DLG2: variants seen among roughly 807,000 people sequenced by gnomAD.
DLG2 encodes the protein discs large MAGUK scaffold protein 2, also known as disks large homolog 2.
Under a neutral mutation model 132.5 loss-of-function variants are expected in DLG2, and 45 were observed. The ratio of observed to expected loss-of-function variants is 0.34; its 90% CI spans 0.27 to 0.44. The LOEUF (loss-of-function observed/expected upper bound fraction) is 0.44. Among genes scored for constraint, DLG2 ranks in the 20% least tolerant of loss-of-function variants. The probability of loss-of-function intolerance (pLI) is 1.00; values close to 1 mark genes in which losing one functional copy is unlikely to be tolerated. For missense variants in DLG2, 1,045 were observed against 1,196.9 expected (o/e 0.87, Z 1.87); for synonymous variants, 424 against 419.6 (o/e 1.01, Z -0.13).
At chr11:85,306,857 C>T (rs1165562925) in intron 3 of DLG2, among the ~76,000 whole-genome samples, 1 of 152,198 alleles carries the variant, frequency 6.6e-6, no homozygotes, top group East Asian at 1.9e-4. Flanking sequence ...TAGGCGTGAG[C>T]CACCACGCCT....
chr11:83,689,984 A>G (rs1244047112), intron 18 of DLG2, among the ~76,000 whole-genome samples: 1 of 106,654 alleles, frequency 9.4e-6, no homozygotes, highest in Non-Finnish European at 2.1e-5. Context: ...ATTATAATAT[A>G]TTTATTATAA....
intron 7 of DLG2, among the ~76,000 whole-genome samples, chr11:84,519,061 A>G (rs2099284329): frequency 6.6e-6 from 1 of 152,058 alleles, no homozygotes; most frequent in African/African-American, 2.4e-5. Flanking sequence ...TTTATAAGCA[A>G]CTCACCCTGC....
intron 6 of DLG2, among the ~76,000 whole-genome samples, chr11:84,639,353 T>G (rs997875163): frequency 3.6e-5 from 4 of 110,212 alleles, no homozygotes; most frequent in Non-Finnish European, 5.7e-5. Flanking sequence ...TCTGTGTTTT[T>G]TTTTTTTTTT....
chr11:84,826,177 C>T (rs553997285), intron 6 of DLG2, among the ~76,000 whole-genome samples: 1 of 151,842 alleles, frequency 6.6e-6, no homozygotes, highest in Non-Finnish European at 1.5e-5. Flanking sequence ...TCACCTCAAG[C>T]ATTTATCCTT....
intron 6 of DLG2, among the ~76,000 whole-genome samples, chr11:84,716,527 A>C (rs771616294): frequency 9.2e-5 from 14 of 151,978 alleles, no homozygotes; most frequent in Non-Finnish European, 1.5e-4. Context: ...TAAATTCAAT[A>C]CTTTGATCTT....
chr11:84,974,290 C>T (rs1156332581), intron 6 of DLG2, among the ~76,000 whole-genome samples: 1 of 152,146 alleles, frequency 6.6e-6, no homozygotes, highest in African/African-American at 2.4e-5. Context: ...GCTTCTTTGC[C>T]ATCAAACTTA....
chr11:84,059,202 T>A, intron 11 of DLG2, 113 bp downstream of exon 11: 1 of 1,024,924 alleles, frequency 9.8e-7, no homozygotes, highest in Non-Finnish European at 1.4e-6. Flanking sequence ...TTTAAATCTC[T>A]TGGTAAGCAC....
At chr11:83,871,653 A>C (rs1402249674) in intron 16 of DLG2, among the ~76,000 whole-genome samples, 1 of 37,576 alleles carries the variant, frequency 2.7e-5, no homozygotes, top group East Asian at 4.9e-4. Context: ...TTATCTCTTC[A>C]TCTGACAACC....
At chr11:85,264,777 G>T (rs910283395) in intron 4 of DLG2, among the ~76,000 whole-genome samples, 4 of 152,186 alleles carry the variant, frequency 2.6e-5, no homozygotes, top group Non-Finnish European at 5.9e-5. Context: ...GGGGTTTTTC[G>T]CAAGAAACAT....
intron 6 of DLG2, among the ~76,000 whole-genome samples, chr11:85,058,028 T>A (rs1454609987): frequency 6.6e-6 from 1 of 151,378 alleles, no homozygotes; most frequent in Non-Finnish European, 1.5e-5. Flanking sequence ...CCAGCTATCA[T>A]CATGTCTATT....
intron 21 of DLG2, among the ~76,000 whole-genome samples, chr11:83,489,876 G>C (rs1220608864): frequency 6.6e-6 from 1 of 151,934 alleles, no homozygotes; most frequent in African/African-American, 2.4e-5. Flanking sequence ...TTGTCACTGT[G>C]AAAGAAAGGT....
At chr11:85,086,272 C>T (rs1352845871) in intron 6 of DLG2, among the ~76,000 whole-genome samples, 3 of 152,008 alleles carry the variant, frequency 2.0e-5, no homozygotes, top group Non-Finnish European at 4.4e-5. Flanking sequence ...GTTACTTATC[C>T]AATTTCTTTT....
At chr11:84,221,397 G>A (rs1452100901) in intron 8 of DLG2, among the ~76,000 whole-genome samples, 1 of 152,064 alleles carries the variant, frequency 6.6e-6, no homozygotes, top group Non-Finnish European at 1.5e-5. Context: ...CTAGGAGGTG[G>A]AGGCTGTGGT....
At chr11:83,504,736 T>G (rs1846018897) in intron 21 of DLG2, among the ~76,000 whole-genome samples, 1 of 152,132 alleles carries the variant, frequency 6.6e-6, no homozygotes, top group Non-Finnish European at 1.5e-5. Flanking sequence ...TGGTGCCGCT[T>G]CCACTTCCAC....
At chr11:85,228,169 C>G (rs2075086744) in intron 4 of DLG2, among the ~76,000 whole-genome samples, 1 of 151,956 alleles carries the variant, frequency 6.6e-6, no homozygotes, top group Non-Finnish European at 1.5e-5. Flanking sequence ...GTATCTTAGG[C>G]CTAGAATAGT....
At chr11:84,418,285 GT>G (rs1342312732) in intron 7 of DLG2, among the ~76,000 whole-genome samples, 5 of 152,090 alleles carry the variant, frequency 3.3e-5, no homozygotes, top group African/African-American at 1.2e-4. Flanking sequence ...TTCTAGTTTA[GT>G]TCTATGAACA....
chr11:85,499,239 C>A (rs936645493), intron 3 of DLG2, among the ~76,000 whole-genome samples: 3 of 151,500 alleles, frequency 2.0e-5, no homozygotes, highest in African/African-American at 7.3e-5. Context: ...ATCAAATAGA[C>A]GCAATAAAAA....
chr11:83,654,399 T>C (rs947011025), intron 18 of DLG2, among the ~76,000 whole-genome samples: 1 of 152,206 alleles, frequency 6.6e-6, no homozygotes, highest in Non-Finnish European at 1.5e-5. Flanking sequence ...GAGCATACCT[T>C]GTACTTTCCC....
chr11:84,938,672 G>A (rs772916849), intron 6 of DLG2, among the ~76,000 whole-genome samples: 3 of 152,134 alleles, frequency 2.0e-5, no homozygotes, highest in South Asian at 2.1e-4. Flanking sequence ...TTGGCAAAAT[G>A]TATATGGAAC....
Sources: gnomAD v4.1 joint callset for allele counts (sites outside exome capture counted in the v4.1 genomes callset) on GRCh38, gnomAD v4.1.1 for gene constraint, MANE v1.5 for transcripts, NCBI Gene and HGNC (gene_info 2026-07-23, HGNC 2026-07-21) for gene names.